AIG1: variants seen among roughly 807,000 people sequenced by gnomAD.
AIG1 encodes the protein androgen induced 1.
AIG1 carries 23 observed loss-of-function variants against 31.4 expected under a neutral mutation model. The observed-to-expected ratio is 0.73, with a 90% CI of 0.53 to 1.04. The LOEUF (loss-of-function observed/expected upper bound fraction) is 1.04. AIG1 is among the 50% of genes least tolerant of loss of function. The pLI is 0.00. For missense variants in AIG1, 274 were observed against 295.0 expected (o/e 0.93, Z 0.52); for synonymous variants, 100 against 110.5 (o/e 0.90, Z 0.60).
intron 2 of AIG1, among the ~76,000 whole-genome samples, chr6:143,151,673 A>C (rs1408043869): frequency 2.0e-5 from 3 of 152,234 alleles, no homozygotes; most frequent in Non-Finnish European, 4.4e-5. Context: ...AAGTGAACTT[A>C]TGCTAACGAA....
chr6:143,140,349 A>T (rs901294743), intron 2 of AIG1, among the ~76,000 whole-genome samples: 1 of 152,132 alleles, frequency 6.6e-6, no homozygotes, highest in Non-Finnish European at 1.5e-5. Flanking sequence ...TTTCACTAAA[A>T]CATTTAATTT....
At chr6:143,195,543 G>A (rs369291955) in intron 3 of AIG1, among the ~76,000 whole-genome samples, 28 of 152,252 alleles carry the variant, frequency 1.8e-4, no homozygotes, top group African/African-American at 6.0e-4. Flanking sequence ...CCAGGGCTGC[G>A]GGGAAACGTT....
intron 2 of AIG1, among the ~76,000 whole-genome samples, chr6:143,147,289 T>C (rs1270577134): frequency 6.6e-6 from 1 of 152,186 alleles, no homozygotes; most frequent in Non-Finnish European, 1.5e-5. Context: ...TCTGCGACTT[T>C]GTTCATTTTT....
intron 1 of AIG1, among the ~76,000 whole-genome samples, chr6:143,103,450 T>C (rs1463725749): frequency 2.6e-5 from 4 of 151,988 alleles, no homozygotes; most frequent in Non-Finnish European, 5.9e-5. Flanking sequence ...TTTAGCACTT[T>C]GAGGTCATTT....
chr6:143,255,797 CTT>C (rs1236460091), intron 3 of AIG1, among the ~76,000 whole-genome samples: 3 of 152,124 alleles, frequency 2.0e-5, no homozygotes, highest in East Asian at 1.9e-4. Flanking sequence ...TTTATATTAA[CTT>C]AATTATTTTT....
chr6:143,176,215 A>T (rs1223825765), intron 3 of AIG1, among the ~76,000 whole-genome samples: 1 of 152,186 alleles, frequency 6.6e-6, no homozygotes, highest in South Asian at 2.1e-4. Context: ...GTAGCAGGGA[A>T]GAGAAGTGGA....
chr6:143,183,267 C>G (rs1788910188), intron 3 of AIG1, among the ~76,000 whole-genome samples: 2 of 146,842 alleles, frequency 1.4e-5, no homozygotes, highest in African/African-American at 5.0e-5. Context: ...GCAATCTTGG[C>G]TCACTGAAAC....
chr6:143,185,317 C>T (rs1451900136), intron 3 of AIG1, among the ~76,000 whole-genome samples: 2 of 152,152 alleles, frequency 1.3e-5, no homozygotes, highest in Non-Finnish European at 2.9e-5. Flanking sequence ...GGCTGACTTC[C>T]CTGAGCCCAT....
At chr6:143,208,422 A>C (rs1457248597) in intron 3 of AIG1, among the ~76,000 whole-genome samples, 2 of 152,208 alleles carry the variant, frequency 1.3e-5, no homozygotes, top group East Asian at 3.8e-4. Flanking sequence ...ATTCAGAATA[A>C]AATAAATACA....
rs1237407112 is a variant in AIG1, at chr6:143,279,025, G to C, written c.400-5085G>C. Among the ~76,000 whole-genome samples, 2 of 152,054 alleles carry C rather than the reference G, an allele frequency of 1.3e-5. No individual in the cohort carries two copies. Among genetic ancestry groups the C allele is most frequent in the Non-Finnish European group, 2.9e-5 (2 of 68,014 alleles). On this transcript the variant is annotated intron_variant, in intron 3 of 5. Coordinates refer to ENST00000357847, the MANE Select transcript of AIG1 (RefSeq NM_016108.4). The surrounding 1 kb of genome is among the most constrained non-coding windows in gnomAD (Gnocchi z 5.4). ...AAAAAAAAATCAAGTAGCATGAACG[G>C]GGCCACAGTATGGCTTTTGTAGATT...
chr6:143,277,119 G>A lies in AIG1; in HGVS notation c.400-6991G>A, dbSNP rs546942771. Among the ~76,000 whole-genome samples, 61 of 152,224 alleles carry A rather than the reference G, an allele frequency of 4.0e-4. 2 individuals are homozygous for A. In the South Asian group the frequency reaches 0.012, roughly 30 times the overall value. Reference sequence around the variant, plus strand: ...TCCCCTTTCTATTGTTTTAGATCATGTTTTGCTAATGCAATGGGCTTTATT... The same window carrying A: ...TCCCCTTTCTATTGTTTTAGATCATATTTTGCTAATGCAATGGGCTTTATT... On this transcript the variant is annotated intron_variant, in intron 3 of 5. Coordinates refer to ENST00000357847, the MANE Select transcript of AIG1 (RefSeq NM_016108.4).
chr6:143,326,402 C>T lies in AIG1; in HGVS notation c.516-6880C>T, dbSNP rs1583880038. On this transcript the variant is annotated intron_variant, in intron 4 of 5. Coordinates refer to ENST00000357847, the MANE Select transcript of AIG1 (RefSeq NM_016108.4). The surrounding 1 kb of genome is among the most constrained non-coding windows in gnomAD (Gnocchi z 4.5). ...TCCTCCCATCTTTACTCAATGAATT[C>T]TTATCCTTTCTATCACAGTTTAAAT... 6.6e-6 allele frequency among the ~76,000 whole-genome samples: 1 copy of T among 152,078 alleles called. No homozygotes were observed. Among genetic ancestry groups the T allele is most frequent in the Non-Finnish European group, 1.5e-5 (1 of 68,018 alleles).
chr6:143,125,476 A>G (rs1221910653), intron 1 of AIG1, among the ~76,000 whole-genome samples: 1 of 152,268 alleles, frequency 6.6e-6, no homozygotes, highest in Non-Finnish European at 1.5e-5. Context: ...CAAAAAGTTC[A>G]TGCTAATATT....
intron 4 of AIG1, among the ~76,000 whole-genome samples, chr6:143,295,810 T>A (rs1334290192): frequency 1.3e-5 from 2 of 152,190 alleles, no homozygotes; most frequent in African/African-American, 4.8e-5. Flanking sequence ...CTCCAAAGTC[T>A]GCCCCCAAAG....
intron 4 of AIG1, among the ~76,000 whole-genome samples, chr6:143,289,891 T>G (rs780609352): frequency 6.6e-6 from 1 of 152,198 alleles, no homozygotes; most frequent in Non-Finnish European, 1.5e-5. Flanking sequence ...CACATTCAAT[T>G]CCTTCCATTT....
chr6:143,310,688 A>G (rs1489270662), intron 4 of AIG1, among the ~76,000 whole-genome samples: 1 of 151,500 alleles, frequency 6.6e-6, no homozygotes, highest in Non-Finnish European at 1.5e-5. Flanking sequence ...TGATAAAATT[A>G]TAAAACTCCA....
At chr6:143,098,540 A>C (rs1779988548) in intron 1 of AIG1, among the ~76,000 whole-genome samples, 1 of 152,162 alleles carries the variant, frequency 6.6e-6, no homozygotes, top group African/African-American at 2.4e-5. Context: ...GGGGAACTCA[A>C]CTAGCATTAT....
intron 3 of AIG1, among the ~76,000 whole-genome samples, chr6:143,231,745 A>C (rs940283266): frequency 4.6e-5 from 7 of 152,232 alleles, no homozygotes; most frequent in Admixed American, 4.6e-4. Flanking sequence ...TGCTCAAATA[A>C]ATCTTCAAAA....
rs553857036 is a variant in AIG1 at position 143,320,808 on chromosome 6, T to C, written c.516-12474T>C. Among the ~76,000 whole-genome samples, 5 of 147,300 alleles carry C rather than the reference T, an allele frequency of 3.4e-5. No individual in the cohort carries two copies. In the Admixed American group the frequency reaches 3.6e-4, roughly 10 times the overall value. On this transcript the variant is annotated intron_variant, in intron 4 of 5. Transcript: ENST00000357847. ...TATTCTACTGTGTACTTAAAACTTGTTAAGCGAGTAGATTTTTTTTTTTTT... is the reference window on the plus strand; with the variant it reads ...TATTCTACTGTGTACTTAAAACTTGCTAAGCGAGTAGATTTTTTTTTTTTT...
Sources: allele counts gnomAD v4.1 joint callset (sites outside exome capture counted in the v4.1 genomes callset), GRCh38; gene constraint gnomAD v4.1.1; non-coding constraint Gnocchi (gnomAD v3.1); transcripts MANE v1.5; gene names NCBI Gene and HGNC (gene_info 2026-07-23, HGNC 2026-07-21).